The following PHF14 variants were observed in gnomAD, a reference collection of about 807,000 sequenced individuals.
The protein encoded by PHF14 is PHD finger protein 14.
PHF14 carries 55 observed loss-of-function variants against 117.9 expected under a neutral mutation model. The observed-to-expected ratio is 0.47, with a 90% CI of 0.38 to 0.58. PHF14 has a LOEUF of 0.58. Ranked by LOEUF, PHF14 falls within the 20% of genes least tolerant of loss-of-function variation. The probability of loss-of-function intolerance (pLI) is 0.00; values close to 1 mark genes in which losing one functional copy is unlikely to be tolerated. For synonymous variants in PHF14, 409 were observed against 368.6 expected (o/e 1.11, Z -1.26); for missense variants, 978 against 1,122.2 (o/e 0.87, Z 1.84).
In PHF14 at chr7:11,036,388, T is replaced by A. The variant is rs535685496; in HGVS notation, c.1603-30T>A. 5.8e-5 allele frequency: 89 copies of A among 1,523,480 alleles called. No individual in the cohort carries two copies. The South Asian group carries it at 9.3e-4, about 16-fold the overall frequency. 94.4% of individuals were successfully genotyped at this position (1,523,480 alleles called of 1,614,324 possible). ...AAGGAACATGTTTCATTTTATTATC[T>A]TTTAAAATTTGAATACATTTCTTTT... On this transcript the variant is annotated intron_variant, in intron 8 of 17. Coordinates refer to ENST00000634607, the MANE Select transcript of PHF14 (RefSeq NM_001007157.2).
In PHF14 at chr7:11,072,416, T is replaced by A. The variant is rs115203542; in HGVS notation, c.2654+10331T>A. ...GGGGACTATAATTCAACATGAGATT[T>A]GAGTGGGACACGTATCCAAACTATA... On this transcript the variant is annotated intron_variant, in intron 16 of 17. Transcript: ENST00000634607. 5.4e-3 allele frequency among the ~76,000 whole-genome samples: 815 copies of A among 152,306 alleles called. 5 individuals are homozygous for A. Among genetic ancestry groups the A allele is most frequent in the African/African-American group, 0.019 (776 of 41,566 alleles).
At chr7:10,991,328 C>T (rs916444196) in intron 4 of PHF14, among the ~76,000 whole-genome samples, 2 of 152,194 alleles carry the variant, frequency 1.3e-5, no homozygotes. Flanking sequence ...CAGGCACGAG[C>T]CACCATGCCT....
At chr7:11,127,524 A>G (rs1235073618) in intron 17 of PHF14, among the ~76,000 whole-genome samples, 4 of 152,082 alleles carry the variant, frequency 2.6e-5, no homozygotes, top group African/African-American at 7.2e-5. Flanking sequence ...GCAGCCATGC[A>G]TCTTTGCTTT....
At chr7:11,103,066 G>T (rs1233969472) in intron 16 of PHF14, 9 of 978,810 alleles carry the variant, frequency 9.2e-6, no homozygotes, top group Admixed American at 5.9e-5. Context: ...ATGAAGTACT[G>T]CATTGTAAAA....
intron 13 of PHF14, among the ~76,000 whole-genome samples, chr7:11,047,596 G>A (rs539471770): frequency 3.3e-5 from 5 of 150,534 alleles, no homozygotes; most frequent in African/African-American, 1.2e-4. Flanking sequence ...AGGAGTTCAA[G>A]ACCAACATGA....
chr7:11,129,207 G>C (rs1788019770), intron 17 of PHF14, among the ~76,000 whole-genome samples: 1 of 152,054 alleles, frequency 6.6e-6, no homozygotes, highest in Non-Finnish European at 1.5e-5. Context: ...AGGTGGTGCA[G>C]GTTCTAGTTT....
intron 17 of PHF14, among the ~76,000 whole-genome samples, chr7:11,157,296 G>A (rs1264164449): frequency 6.6e-6 from 1 of 151,602 alleles, no homozygotes; most frequent in Non-Finnish European, 1.5e-5. Context: ...AAGACAAAAT[G>A]TCTAATATGA....
At chr7:11,039,791 T>C (rs1162514253) in intron 11 of PHF14, among the ~76,000 whole-genome samples, 2 of 152,202 alleles carry the variant, frequency 1.3e-5, no homozygotes, top group Non-Finnish European at 2.9e-5. Context: ...AAAGAATGTT[T>C]TAAAAGGTGA....
At chr7:11,016,273 G>T (rs1443518045) in intron 5 of PHF14, among the ~76,000 whole-genome samples, 1 of 152,054 alleles carries the variant, frequency 6.6e-6, no homozygotes, top group African/African-American at 2.4e-5. Context: ...ATACTAGTTT[G>T]ATTAAAGGTA....
intron 4 of PHF14, among the ~76,000 whole-genome samples, chr7:10,994,966 A>C (rs774429494): frequency 6.6e-6 from 1 of 152,108 alleles, no homozygotes; most frequent in African/African-American, 2.4e-5. Context: ...CTCTGGCCCC[A>C]CCCACATCCT....
chr7:11,034,357 G>A (rs1053026724), intron 7 of PHF14, among the ~76,000 whole-genome samples: 2 of 151,734 alleles, frequency 1.3e-5, no homozygotes, highest in Admixed American at 6.6e-5. Flanking sequence ...TTACTTTTTT[G>A]TACTACATCT....
chr7:11,044,166 A>G (rs1164005006), intron 13 of PHF14, among the ~76,000 whole-genome samples: 4 of 152,084 alleles, frequency 2.6e-5, no homozygotes, highest in African/African-American at 9.7e-5. Context: ...GGGGCCTACT[A>G]GAATGGGGAG....
intron 16 of PHF14, among the ~76,000 whole-genome samples, chr7:11,071,488 G>A (rs562252346): frequency 6.6e-6 from 1 of 152,248 alleles, no homozygotes. Flanking sequence ...TTGATAAATA[G>A]CAGATATTTC....
At chr7:10,988,016 CAAAA>C (rs60714759) in intron 3 of PHF14, among the ~76,000 whole-genome samples, 1 of 115,644 alleles carries the variant, frequency 8.6e-6, no homozygotes, top group Non-Finnish European at 1.8e-5. Flanking sequence ...AACTCCTTCT[CAAAA>C]AAAAAAAAAA....
At chr7:11,064,626 A>G (rs1008408174) in intron 16 of PHF14, among the ~76,000 whole-genome samples, 1 of 152,042 alleles carries the variant, frequency 6.6e-6, no homozygotes, top group Non-Finnish European at 1.5e-5. Flanking sequence ...TTCAGGCTAT[A>G]TAGAAAATTC....
intron 17 of PHF14, among the ~76,000 whole-genome samples, chr7:11,168,541 TTGA>T (rs1192529755): frequency 2.0e-5 from 3 of 152,340 alleles, no homozygotes; most frequent in Admixed American, 1.3e-4. Flanking sequence ...TTTGATGATA[TTGA>T]TGATTATTAC....
At chr7:11,155,883 G>T (rs1583509023) in intron 17 of PHF14, among the ~76,000 whole-genome samples, 1 of 151,848 alleles carries the variant, frequency 6.6e-6, no homozygotes, top group East Asian at 1.9e-4. Context: ...CTGTTTTCAA[G>T]TAAGATATTT....
intron 16 of PHF14, among the ~76,000 whole-genome samples, chr7:11,076,007 C>T (rs1038427542): frequency 3.3e-5 from 5 of 152,084 alleles, no homozygotes; most frequent in African/African-American, 1.2e-4. Flanking sequence ...GGCATGGTGG[C>T]GGGCGCCTGT....
intron 6 of PHF14, 122 bp from the exon 7 acceptor site, chr7:11,028,559 A>T: frequency 1.2e-6 from 1 of 842,002 alleles, no homozygotes; most frequent in Non-Finnish European, 1.9e-6. Flanking sequence ...TTGTATTGGT[A>T]CATAATTGGT....
Sources: allele counts gnomAD v4.1 joint callset (sites outside exome capture counted in the v4.1 genomes callset), GRCh38; gene constraint gnomAD v4.1.1; transcripts MANE v1.5; gene names NCBI Gene and HGNC (gene_info 2026-07-23, HGNC 2026-07-21).